The following SOWAHC variants were observed in gnomAD, a reference collection of about 807,000 sequenced individuals.
The protein encoded by SOWAHC is sosondowah ankyrin repeat domain family member C.
Under a neutral mutation model 14.4 loss-of-function variants are expected in SOWAHC, and 12 were observed. The ratio of observed to expected loss-of-function variants is 0.83; its 90% CI spans 0.53 to 1.35. The LOEUF is 1.35. SOWAHC is among the 40% of genes most tolerant of loss of function. The pLI is 0.00. For synonymous variants in SOWAHC, 398 were observed against 347.0 expected, an observed-to-expected ratio of 1.15 and a Z score of -1.63; for missense variants, 771 against 752.8, an observed-to-expected ratio of 1.02 and a Z score of -0.28.
Position 109,615,598 on chromosome 2 carries a change from T to C in SOWAHC, c.1109T>C (p.Ile370Thr). Residue 370 changes from isoleucine (I) to threonine (T), a missense_variant, in exon 1 of 1, where the codon ATC becomes ACC. Transcript: ENST00000356454. The part of the protein sequence containing the change: ...LVGAYDADVD[I>T]RDYSGKKASQ... Reference sequence around the variant, plus strand: ...GGGGCCTACGACGCCGATGTGGACATCAGGGACTACAGTGGGAAAAAGGCC... The same window carrying C: ...GGGGCCTACGACGCCGATGTGGACACCAGGGACTACAGTGGGAAAAAGGCC... The C allele has an allele frequency of 2.5e-6, 4 of 1,613,640 alleles. No homozygotes were observed. The highest frequency in any genetic ancestry group is 3.4e-6 in the Non-Finnish European group (4 of 1,179,634).
rs1217673149 is a variant in SOWAHC, at chr2:109,616,667, G to A, written c.*600G>A. On this transcript the variant is annotated 3_prime_UTR_variant, in exon 1 of 1. Transcript: ENST00000356454. ...TGGTATTTTATGTGTATTGTAAGTA[G>A]CAGTTAAATTATTTTTTTAAAAGCA... 1 of 167,036 alleles carries A rather than the reference G, an allele frequency of 6.0e-6. No homozygotes were observed. Among genetic ancestry groups the A allele is most frequent in the East Asian group, 1.9e-4 (1 of 5,208 alleles). 10.3% of individuals were successfully genotyped at this position (167,036 alleles called of 1,614,324 possible).
Position 109,615,528 on chromosome 2 carries a change from T to G in SOWAHC, c.1039T>G (p.Leu347Val). Residue 347 changes from leucine to valine, a missense_variant, in exon 1 of 1, where the codon TTG (leucine) becomes GTG (valine). Physicochemically the swap from Leu to Val is conservative, Grantham distance 32. Transcript: ENST00000356454. ...GAGCGGGGGTTACACCGCCCTGCAC[T>G]TGGCAGCCATGCACGGCCACGTGGA... Reference protein sequence around the residue: ...RTSGGYTALHLAAMHGHVEVV... With the variant: ...RTSGGYTALHVAAMHGHVEVV... The G allele has an allele frequency of 6.2e-7, 1 of 1,613,896 alleles. No individual in the cohort carries two copies. Among genetic ancestry groups the G allele is most frequent in the South Asian group, 1.1e-5 (1 of 91,074 alleles).
rs767412757 is a variant in SOWAHC at position 109,615,686 on chromosome 2, G to A, written c.1197G>A (p.Glu399=). 4 of 1,614,060 alleles carry A rather than the reference G, an allele frequency of 2.5e-6. No individual in the cohort carries two copies. The highest frequency in any genetic ancestry group is 3.3e-4 in the Middle Eastern group (2 of 6,062). ...EIKNLVGALD[E]GDGESAAGSG... is the part of the protein sequence containing the mutation. ...AGAACCTGGTGGGAGCCCTGGACGA[G>A]GGTGACGGGGAAAGCGCCGCGGGTA... is the stretch of plus-strand genomic sequence containing the variant. The change falls in exon 1 of 1, where the codon GAG becomes GAA. Residue 399 remains glutamate, a synonymous_variant. Coordinates refer to ENST00000356454, the MANE Select transcript of SOWAHC (RefSeq NM_023016.4).
Position 109,616,776 on chromosome 2 carries a change from T to G in SOWAHC, c.*709T>G, listed in dbSNP as rs1700157661. ...TTCCACCTATCTCTAACACCACTATTAAGGTACACCAGTGTTAAGGTACAT... is the reference window on the plus strand; with the variant it reads ...TTCCACCTATCTCTAACACCACTATGAAGGTACACCAGTGTTAAGGTACAT... On this transcript the variant is annotated 3_prime_UTR_variant, in exon 1 of 1. Transcript: ENST00000356454. The G allele has an allele frequency of 6.0e-6, 1 of 167,106 alleles. No homozygotes were observed. 10.4% of individuals were successfully genotyped at this position (167,106 alleles called of 1,614,324 possible). A position where few individuals can be genotyped will look rare whatever the true frequency, so the allele number is the denominator to read the frequency against.
rs1339807104 is a variant in SOWAHC at position 109,615,362 on chromosome 2, C to T, written c.873C>T (p.Pro291=). 1 of 1,612,848 alleles carries T rather than the reference C, an allele frequency of 6.2e-7. No homozygotes were observed. The highest frequency in any genetic ancestry group is 1.1e-5 in the South Asian group (1 of 91,064). Residue 291 remains proline, a synonymous_variant, in exon 1 of 1, where the codon CCC becomes CCT. Transcript: ENST00000356454. ...TGGAGGGCTTGCTCACCTGCGAGCC[C>T]GGCCTGCTGGTCAAGCGGGACTTCA... ...DSLEGLLTCE[P]GLLVKRDFIT...
At position 109,614,843 on chromosome 2, in the gene SOWAHC, C is replaced by G. The variant is rs1472068293; in HGVS notation, c.354C>G (p.Leu118=). The G allele has an allele frequency of 7.1e-7, 1 of 1,406,436 alleles. No homozygotes were observed. The highest frequency in any genetic ancestry group is 1.5e-5 in the African/African-American group (1 of 65,878). 87.1% of individuals were successfully genotyped at this position (1,406,436 alleles called of 1,614,324 possible). Residue 118 remains leucine (L), a synonymous_variant, in exon 1 of 1, where the codon CTC becomes CTG. Coordinates refer to ENST00000356454, the MANE Select transcript of SOWAHC (RefSeq NM_023016.4). ...GPAGPEARDR[L]PDAAAPESLP... Reference sequence around the variant, plus strand: ...CCGGGCCCGAGGCGCGCGATCGGCTCCCCGACGCGGCGGCCCCGGAGTCGC... The same window carrying G: ...CCGGGCCCGAGGCGCGCGATCGGCTGCCCGACGCGGCGGCCCCGGAGTCGC...
At position 109,615,632 on chromosome 2, in the gene SOWAHC, C is replaced by G; in HGVS notation, c.1143C>G (p.Tyr381Ter). Residue 381 changes from tyrosine to a stop codon, truncating the protein, a stop_gained, in exon 1 of 1, where the codon TAC (tyrosine) becomes TAG (stop). Coordinates refer to ENST00000356454, the MANE Select transcript of SOWAHC (RefSeq NM_023016.4). LOFTEE classifies it high-confidence loss of function. The stretch of plus-strand genomic sequence containing the variant: ...ACAGTGGGAAAAAGGCCTCCCAGTA[C>G]CTGAGTCGGAGCATCGCCGAGGAGA... ...RDYSGKKASQ[Y>*]LSRSIAEEIK... 6.2e-7 allele frequency: 1 copy of G among 1,613,786 alleles called. No individual in the cohort carries two copies. The highest frequency in any genetic ancestry group is 8.5e-7 in the Non-Finnish European group (1 of 1,179,718).
chr2:109,614,930 C>T lies in SOWAHC; in HGVS notation c.441C>T (p.Pro147=), dbSNP rs1168373328. 3 of 1,506,476 alleles carry T rather than the reference C, an allele frequency of 2.0e-6. No homozygotes were observed. The East Asian group carries it at 7.6e-5, about 38-fold the overall frequency. The allele number at this position is 1,506,476 out of a possible 1,614,324, so 93.3% of individuals were successfully genotyped here. A position where few individuals can be genotyped will look rare whatever the true frequency, so the allele number is the denominator to read the frequency against. Residue 147 remains proline, a synonymous_variant, in exon 1 of 1, where the codon CCC becomes CCT. Transcript: ENST00000356454. ...CCCCCGCCCCCGCGCACTGGCCGCC[C>T]CTGAGCGCCGGGGCTCGCAGGAAGA... ...GEPPAPAHWP[P]LSAGARRKNS...
chr2:109,618,650 A>G lies in SOWAHC; in HGVS notation c.*2583A>G, dbSNP rs921971333. ...AGATTATAAAAAGCAAATGATTGAT[A>G]TAATTTGATATTCATAGAGTTGTGC... On this transcript the variant is annotated 3_prime_UTR_variant, in exon 1 of 1. Coordinates refer to ENST00000356454, the MANE Select transcript of SOWAHC (RefSeq NM_023016.4). 6.0e-6 allele frequency: 1 copy of G among 166,948 alleles called. No individual in the cohort carries two copies. Among genetic ancestry groups the G allele is most frequent in the African/African-American group, 2.4e-5 (1 of 41,454 alleles). 10.3% of individuals were successfully genotyped at this position (166,948 alleles called of 1,614,324 possible).
At position 109,615,575 on chromosome 2, in the gene SOWAHC, G is replaced by T. The variant is rs765457102; in HGVS notation, c.1086G>T (p.Gly362=). The change falls in exon 1 of 1, where the codon GGG becomes GGT. Residue 362 remains glycine (G), a synonymous_variant. Transcript: ENST00000356454. ...TGGAGGTGGTGAAGCTGCTGGTGGG[G>T]GCCTACGACGCCGATGTGGACATCA... ...GHVEVVKLLV[G]AYDADVDIRD... The T allele has an allele frequency of 5.0e-6, 8 of 1,614,090 alleles. No homozygotes were observed. The highest frequency in any genetic ancestry group is 2.2e-5 in the East Asian group (1 of 44,872).
Position 109,615,822 on chromosome 2 carries a change from G to A in SOWAHC, c.1333G>A (p.Ala445Thr), listed in dbSNP as rs1700129065. Residue 445 changes from alanine (A) to threonine (T), a missense_variant, in exon 1 of 1, where the codon GCT (alanine) becomes ACT (threonine). Physicochemically the swap from Ala to Thr is moderately conservative, Grantham distance 58 (BLOSUM62 0). Transcript: ENST00000356454. The stretch of plus-strand genomic sequence containing the variant: ...GGACCATCACCACCATCACCACTCG[G>A]CTGAGGGGTGGGTCGGAGGCAAAGC... ...GGDHHHHHHS[A>T]EGWVGGKAKD... 3 of 1,614,134 alleles carry A rather than the reference G, an allele frequency of 1.9e-6. No individual in the cohort carries two copies. In the South Asian group the frequency reaches 3.3e-5, roughly 18 times the overall value.
chr2:109,618,921 A>G lies in SOWAHC; in HGVS notation c.*2854A>G, dbSNP rs1700183004. 6.0e-6 allele frequency: 1 copy of G among 167,086 alleles called. No homozygotes were observed. Among genetic ancestry groups the G allele is most frequent in the Non-Finnish European group, 1.5e-5 (1 of 68,126 alleles). 10.4% of individuals were successfully genotyped at this position (167,086 alleles called of 1,614,324 possible). A position where few individuals can be genotyped will look rare whatever the true frequency, so the allele number is the denominator to read the frequency against. ...GTTGCCTTGTCTCTCCTATTTTTAAATAAGTGAAATTTGGGAGATTGTAAA... is the reference window on the plus strand; with the variant it reads ...GTTGCCTTGTCTCTCCTATTTTTAAGTAAGTGAAATTTGGGAGATTGTAAA... On this transcript the variant is annotated 3_prime_UTR_variant, in exon 1 of 1. Transcript: ENST00000356454.
In SOWAHC at chr2:109,616,131, T is replaced by C; in HGVS notation, c.*64T>C. 1 of 1,422,332 alleles carries C rather than the reference T, an allele frequency of 7.0e-7. No individual in the cohort carries two copies. The highest frequency in any genetic ancestry group is 2.6e-5 in the East Asian group (1 of 38,632). The allele number at this position is 1,422,332 out of a possible 1,614,324, so 88.1% of individuals were successfully genotyped here. A position where few individuals can be genotyped will look rare whatever the true frequency, so the allele number is the denominator to read the frequency against. On this transcript the variant is annotated 3_prime_UTR_variant, in exon 1 of 1. Coordinates refer to ENST00000356454, the MANE Select transcript of SOWAHC (RefSeq NM_023016.4). ...TTAATAAATTGAATACTAGGTGTTG[T>C]AAGGAAGTGAGACCAGAAGGACAAG...
At position 109,614,670 on chromosome 2, in the gene SOWAHC, A is replaced by G. The variant is rs1700015525; in HGVS notation, c.181A>G (p.Asn61Asp). ...RARAHFKELVNAVATVRVDPA... is the reference protein window; with the variant it reads ...RARAHFKELVDAVATVRVDPA... ...CCGCGCGCACTTCAAGGAGCTGGTG[A>G]ACGCCGTGGCCACTGTGCGCGTCGA... Residue 61 changes from asparagine to aspartate, a missense_variant, in exon 1 of 1, where the codon AAC (asparagine) becomes GAC (aspartate). Transcript: ENST00000356454. 5.4e-6 allele frequency: 8 copies of G among 1,482,872 alleles called. No individual in the cohort carries two copies. The highest frequency in any genetic ancestry group is 7.1e-6 in the Non-Finnish European group (8 of 1,121,424). The allele number at this position is 1,482,872 out of a possible 1,614,324, so 91.9% of individuals were successfully genotyped here. A position where few individuals can be genotyped will look rare whatever the true frequency, so the allele number is the denominator to read the frequency against.
rs1248720232 is a variant in SOWAHC, at chr2:109,615,023, C to A, written c.534C>A (p.Leu178=). Residue 178 remains leucine, a synonymous_variant, in exon 1 of 1, where the codon CTC becomes CTA. Transcript: ENST00000356454. ...PAPGPSEDLE[L]PPHGCEEADR... ...CGGGGCCCAGCGAGGACCTGGAGCT[C>A]CCGCCACATGGCTGCGAGGAGGCGG... 6.5e-7 allele frequency: 1 copy of A among 1,546,914 alleles called. No homozygotes were observed. The highest frequency in any genetic ancestry group is 1.4e-5 in the African/African-American group (1 of 73,128).
rs918811747 is a variant in SOWAHC at position 109,615,160 on chromosome 2, G to T, written c.671G>T (p.Gly224Val). 2 of 1,549,248 alleles carry T rather than the reference G, an allele frequency of 1.3e-6. No individual in the cohort carries two copies. The highest frequency in any genetic ancestry group is 1.2e-5 in the South Asian group (1 of 84,024). Residue 224 changes from glycine to valine, a missense_variant, in exon 1 of 1, where the codon GGC becomes GTC. Physicochemically the swap from Gly to Val is moderately radical, Grantham distance 109 (BLOSUM62 -3). Coordinates refer to ENST00000356454, the MANE Select transcript of SOWAHC (RefSeq NM_023016.4). ...CTGAAGAGGAGCGTGTGTCCCGGGG[G>T]CAGCAGCCCGGGCAGCTCCTCCGGG... ...PQLKRSVCPG[G>V]SSPGSSSGGG...
In SOWAHC at chr2:109,617,440, C is replaced by T. The variant is rs1383872285; in HGVS notation, c.*1373C>T. ...CATTCATTTATATTAGAGTAAATGG[C>T]TTCATAACTACTTTAAAATTTAACC... On this transcript the variant is annotated 3_prime_UTR_variant, in exon 1 of 1. Transcript: ENST00000356454. The T allele has an allele frequency of 6.0e-6, 1 of 167,034 alleles. No individual in the cohort carries two copies. The highest frequency in any genetic ancestry group is 6.5e-5 in the Admixed American group (1 of 15,280). 10.3% of individuals were successfully genotyped at this position (167,034 alleles called of 1,614,324 possible). A position where few individuals can be genotyped will look rare whatever the true frequency, so the allele number is the denominator to read the frequency against.
rs1162030555 is a variant in SOWAHC, at chr2:109,615,542, C to T, written c.1053C>T (p.His351=). The part of the protein sequence containing the change: ...GYTALHLAAM[H]GHVEVVKLLV... Reference sequence around the variant, plus strand: ...CCGCCCTGCACTTGGCAGCCATGCACGGCCACGTGGAGGTGGTGAAGCTGC... The same window carrying T: ...CCGCCCTGCACTTGGCAGCCATGCATGGCCACGTGGAGGTGGTGAAGCTGC... The change falls in exon 1 of 1, where the codon CAC becomes CAT. Residue 351 remains histidine (H), a synonymous_variant. Transcript: ENST00000356454. The T allele has an allele frequency of 4.3e-6, 7 of 1,613,948 alleles. No homozygotes were observed. Among genetic ancestry groups the T allele is most frequent in the East Asian group, 4.5e-5 (2 of 44,878 alleles).
chr2:109,614,811 G>C lies in SOWAHC; in HGVS notation c.322G>C (p.Gly108Arg). Residue 108 changes from glycine (G) to arginine (R), a missense_variant, in exon 1 of 1, where the codon GGC becomes CGC. Physicochemically the swap from Gly to Arg is moderately radical, Grantham distance 125. Transcript: ENST00000356454. The part of the protein sequence containing the change: ...QVTAEPEAPD[G>R]PAGPEARDRL... ...GACCGCCGAGCCCGAGGCCCCCGACGGCCCTGCCGGGCCCGAGGCGCGCGA... is the reference window on the plus strand; with the variant it reads ...GACCGCCGAGCCCGAGGCCCCCGACCGCCCTGCCGGGCCCGAGGCGCGCGA... 2.1e-6 allele frequency: 3 copies of C among 1,452,592 alleles called. No homozygotes were observed. Among genetic ancestry groups the C allele is most frequent in the Non-Finnish European group, 2.7e-6 (3 of 1,108,912 alleles). 90.0% of individuals were successfully genotyped at this position (1,452,592 alleles called of 1,614,324 possible).
Sources: allele counts gnomAD v4.1 joint callset, GRCh38; gene constraint gnomAD v4.1.1; transcripts MANE v1.5; gene names NCBI Gene and HGNC (gene_info 2026-07-23, HGNC 2026-07-21).